Variants in SLC6A20 observed in about 807,000 individuals in gnomAD.
The protein encoded by SLC6A20 is sodium- and chloride-dependent transporter XTRP3.
A neutral mutation model predicts 64.3 loss-of-function variants in SLC6A20; 73 were observed. That is an observed-to-expected ratio of 1.14 (90% CI 0.94 to 1.38). The LOEUF (loss-of-function observed/expected upper bound fraction) is 1.38, where lower values mean the gene tolerates loss of function less well. Among genes scored for constraint, SLC6A20 ranks in the 40% most tolerant of loss-of-function variants. The pLI is 0.00. For synonymous variants in SLC6A20, 347 were observed against 329.6 expected (o/e 1.05, Z -0.57); for missense variants, 725 against 772.8 (o/e 0.94, Z 0.73).
chr3:45,758,080 T>C lies in SLC6A20; in HGVS notation c.*898A>G, dbSNP rs922594744. The C allele has an allele frequency of 6.2e-6, 1 of 162,402 alleles. No individual in the cohort carries two copies. The highest frequency in any genetic ancestry group is 2.4e-5 in the African/African-American group (1 of 41,488). The allele number at this position is 162,402 out of a possible 1,614,324, so 10.1% of individuals were successfully genotyped here. A position where few individuals can be genotyped will look rare whatever the true frequency, so the allele number is the denominator to read the frequency against. On this transcript the variant is annotated 3_prime_UTR_variant, in exon 11 of 11. Coordinates refer to ENST00000358525, the MANE Select transcript of SLC6A20 (RefSeq NM_020208.4). ...ACAGGCCTATGCCACCACTCCCAGCTAATTTTTTTGTATTTTTAGTAGAAA... is the reference window on the plus strand; with the variant it reads ...ACAGGCCTATGCCACCACTCCCAGCCAATTTTTTTGTATTTTTAGTAGAAA...
chr3:45,793,272 A>G (rs1310103345), intron 1 of SLC6A20, among the ~76,000 whole-genome samples: 1 of 152,118 alleles, frequency 6.6e-6, no homozygotes, highest in African/African-American at 2.4e-5. Context: ...CCATATTTCC[A>G]CCAGTCACAC....
intron 4 of SLC6A20, among the ~76,000 whole-genome samples, chr3:45,773,205 G>A (rs573799118): frequency 7.2e-5 from 11 of 152,166 alleles, no homozygotes; most frequent in South Asian, 2.1e-4. Flanking sequence ...GATTGGTCAC[G>A]AGTGCTCATA....
chr3:45,759,786 G>A (rs890040203), intron 10 of SLC6A20, 71 bp downstream of exon 10: 25 of 1,520,390 alleles, frequency 1.6e-5, no homozygotes, highest in East Asian at 4.5e-5. Flanking sequence ...CCCTGGTTTC[G>A]GAAAATGAAT....
intron 4 of SLC6A20, among the ~76,000 whole-genome samples, chr3:45,772,871 C>T (rs561505324): frequency 9.9e-5 from 15 of 152,182 alleles, no homozygotes; most frequent in South Asian, 6.2e-4. Flanking sequence ...AAACAGGTAC[C>T]GAGCCTCTGC....
intron 1 of SLC6A20, among the ~76,000 whole-genome samples, chr3:45,787,349 G>A (rs9848415): frequency 0.24 from 35,746 of 151,952 alleles, 4,482 homozygotes; most frequent in Admixed American, 0.34. Flanking sequence ...CCCCAGAGCC[G>A]CCTTCTCTGT....
chr3:45,788,993 T>C (rs557280719), intron 1 of SLC6A20, among the ~76,000 whole-genome samples: 1 of 152,318 alleles, frequency 6.6e-6, no homozygotes, highest in Admixed American at 6.5e-5. Flanking sequence ...ATGTAATTTC[T>C]GAATGAGAAG....
intron 3 of SLC6A20, among the ~76,000 whole-genome samples, chr3:45,776,339 A>G (rs2125647106): frequency 6.6e-6 from 1 of 152,298 alleles, no homozygotes; most frequent in East Asian, 1.9e-4. Flanking sequence ...GTGCACAATC[A>G]GCTCAGGCAC....
intron 5 of SLC6A20, chr3:45,771,754 T>G: frequency 2.0e-6 from 1 of 499,994 alleles, no homozygotes; most frequent in Non-Finnish European, 3.6e-6. Flanking sequence ...AGGAGGTGTG[T>G]AACCAGAAGC....
chr3:45,778,703 T>G (rs1700017130), intron 3 of SLC6A20, among the ~76,000 whole-genome samples: 1 of 152,206 alleles, frequency 6.6e-6, no homozygotes, highest in Non-Finnish European at 1.5e-5. Context: ...TTGGCAGTAC[T>G]GTTGTGCAGT....
intron 6 of SLC6A20, 71 bp downstream of exon 6, chr3:45,771,146 C>T (rs980485333): frequency 2.2e-5 from 35 of 1,600,394 alleles, no homozygotes; most frequent in Admixed American, 3.4e-5. Flanking sequence ...TTTGCCCCAG[C>T]CCTTGCCCAG....
chr3:45,788,430 T>C (rs925534352), intron 1 of SLC6A20, among the ~76,000 whole-genome samples: 2 of 152,170 alleles, frequency 1.3e-5, no homozygotes, highest in African/African-American at 4.8e-5. Context: ...GAAAGAACAC[T>C]GCAGACACAA....
chr3:45,789,682 C>G (rs959963829), intron 1 of SLC6A20, among the ~76,000 whole-genome samples: 1 of 151,978 alleles, frequency 6.6e-6, no homozygotes, highest in African/African-American at 2.4e-5. Flanking sequence ...CAGTCATTAC[C>G]TCTGGGTGGT....
At chr3:45,780,332 A>G (rs1348904108) in intron 2 of SLC6A20, among the ~76,000 whole-genome samples, 1 of 152,224 alleles carries the variant, frequency 6.6e-6, no homozygotes, top group Non-Finnish European at 1.5e-5. Flanking sequence ...CAGGAGGCTG[A>G]TGACATGTTT....
rs776438424 is a variant in SLC6A20, at chr3:45,771,400, GAGA to G, written c.749_751del (p.Phe250del). ...CAGGCTGCCGAAGCCCAGGCCAAGT[GAGA>G]AGAAGATCTGGGTGGCTGCATTGAT... On this transcript the variant is annotated inframe_deletion, in exon 6 of 11. Coordinates refer to ENST00000358525, the MANE Select transcript of SLC6A20 (RefSeq NM_020208.4). The G allele has an allele frequency of 1.7e-5, 28 of 1,614,156 alleles. No homozygotes were observed. Among genetic ancestry groups the G allele is most frequent in the East Asian group, 4.5e-5 (2 of 44,902 alleles).
chr3:45,788,055 G>T (rs1355109265), intron 1 of SLC6A20, among the ~76,000 whole-genome samples: 1 of 152,094 alleles, frequency 6.6e-6, no homozygotes, highest in Non-Finnish European at 1.5e-5. Flanking sequence ...AAGCAATCCT[G>T]CTGCCTCAGC....
At chr3:45,790,004 C>T (rs377294812) in intron 1 of SLC6A20, among the ~76,000 whole-genome samples, 22 of 152,130 alleles carry the variant, frequency 1.4e-4, no homozygotes, top group African/African-American at 2.4e-5. Flanking sequence ...ATAGCCAGTA[C>T]GTTGTCTATT....
Position 45,765,481 on chromosome 3 carries a change from C to A in SLC6A20, c.1303+56G>T. 1 of 1,559,484 alleles carries A rather than the reference C, an allele frequency of 6.4e-7. No individual in the cohort carries two copies. Among genetic ancestry groups the A allele is most frequent in the Non-Finnish European group, 8.7e-7 (1 of 1,151,538 alleles). On this transcript the variant is annotated intron_variant, in intron 8 of 10. Coordinates refer to ENST00000358525, the MANE Select transcript of SLC6A20 (RefSeq NM_020208.4). The surrounding 1 kb of genome is among the most constrained non-coding windows in gnomAD (Gnocchi z 4.2). ...CCCTGAGGGAGCTCTCCCCTGTTCA[C>A]CCCCACGCCTTGGCCCTCCTGACCC...
chr3:45,759,850 T>C lies in SLC6A20; in HGVS notation c.1629+7A>G, dbSNP rs2125715961. The C allele has an allele frequency of 1.9e-6, 3 of 1,611,172 alleles. No individual in the cohort carries two copies. The highest frequency in any genetic ancestry group is 2.5e-6 in the Non-Finnish European group (3 of 1,178,776). On this transcript the variant is annotated splice_region_variant and intron_variant, in intron 10 of 10. Transcript: ENST00000358525. ...CCCAGCGCCAGCCCTACGGAGACAG[T>C]AGATACCTGGGAGGCGTCCCAGGCT...
chr3:45,762,854 G>A (rs1036808851), intron 9 of SLC6A20, 59 bp downstream of exon 9: 4 of 1,592,490 alleles, frequency 2.5e-6, no homozygotes, highest in Non-Finnish European at 3.4e-6. Context: ...TTTCCTTGAG[G>A]GGCGTGGCCT....
Sources: gnomAD v4.1 joint callset for allele counts (sites outside exome capture counted in the v4.1 genomes callset) on GRCh38, gnomAD v4.1.1 for gene constraint, Gnocchi (gnomAD v3.1) non-coding constraint, MANE v1.5 for transcripts, NCBI Gene and HGNC (gene_info 2026-07-23, HGNC 2026-07-21) for gene names.